The following DCLK1 variants were observed in gnomAD, a reference collection of about 807,000 sequenced individuals.
DCLK1 encodes serine/threonine-protein kinase DCLK1.
Under a neutral mutation model 86.2 loss-of-function variants are expected in DCLK1, and 16 were observed. The ratio of observed to expected loss-of-function variants is 0.19; its 90% CI spans 0.13 to 0.28. DCLK1 has a LOEUF of 0.28. Among genes scored for constraint, DCLK1 ranks in the 10% least tolerant of loss-of-function variants. The pLI, the probability that DCLK1 is intolerant of heterozygous loss-of-function variation, is 1.00. For missense variants in DCLK1, 590 were observed against 940.2 expected, an observed-to-expected ratio of 0.63 and a Z score of 4.87; for synonymous variants, 369 against 370.5, an observed-to-expected ratio of 1.00 and a Z score of 0.05.
In DCLK1 at chr13:35,907,123, GAGC is replaced by G. The variant is rs374691488; in HGVS notation, c.824-35786_824-35784del. ...TCCCAGAAGTTTCTCTAGTGCCAGTGAGCTTTCTTCCACAACAATATGTAACAT... is the reference window on the plus strand; with the variant it reads ...TCCCAGAAGTTTCTCTAGTGCCAGTGTTTCTTCCACAACAATATGTAACAT... On this transcript the variant is annotated intron_variant, in intron 4 of 16. Coordinates refer to ENST00000360631, the MANE Select transcript of DCLK1 (RefSeq NM_001330071.2). Among the ~76,000 whole-genome samples the G allele has an allele frequency of 5.1e-3, 771 of 152,254 alleles. 9 individuals carry two copies. The highest frequency in any genetic ancestry group is 0.018 in the African/African-American group (741 of 41,544).
intron 4 of DCLK1, among the ~76,000 whole-genome samples, chr13:35,890,093 TA>T (rs1366351850): frequency 6.6e-6 from 1 of 152,156 alleles, no homozygotes; most frequent in African/African-American, 2.4e-5. Flanking sequence ...TTTTTAAATG[TA>T]AAAATGTTCT....
chr13:35,902,659 G>A (rs1473476939), intron 4 of DCLK1, among the ~76,000 whole-genome samples: 1 of 152,172 alleles, frequency 6.6e-6, no homozygotes, highest in Non-Finnish European at 1.5e-5. Flanking sequence ...GCTGTAACAT[G>A]GTGAATGTGG....
At chr13:35,788,328 G>C in intron 16 of DCLK1, 1 of 1,581,864 alleles carries the variant, frequency 6.3e-7, no homozygotes, top group Non-Finnish European at 8.7e-7. Flanking sequence ...TCAGCATTGT[G>C]CTAAAGAATT....
At chr13:36,122,224 G>A (rs1886017733) in intron 2 of DCLK1, among the ~76,000 whole-genome samples, 1 of 151,954 alleles carries the variant, frequency 6.6e-6, no homozygotes. Context: ...CCTGAGAGGG[G>A]GATTATGATA....
chr13:36,060,926 T>C (rs1883519811), intron 3 of DCLK1, among the ~76,000 whole-genome samples: 2 of 152,130 alleles, frequency 1.3e-5, no homozygotes. Context: ...AAAGTGATCA[T>C]TATGTCAGAT....
At chr13:35,849,735 G>GA in intron 6 of DCLK1, 1 of 985,208 alleles carries the variant, frequency 1.0e-6, no homozygotes, top group Non-Finnish European at 1.2e-6. Context: ...ACACCAGCAA[G>GA]ATTGAGAATT....
chr13:35,950,085 G>A (rs892934667), intron 3 of DCLK1, among the ~76,000 whole-genome samples: 23 of 152,148 alleles, frequency 1.5e-4, no homozygotes, highest in African/African-American at 4.1e-4. Context: ...CTTTCTGTTC[G>A]AAATCATGTA....
At chr13:36,063,271 G>A (rs1020677337) in intron 3 of DCLK1, among the ~76,000 whole-genome samples, 4 of 152,064 alleles carry the variant, frequency 2.6e-5, no homozygotes, top group Non-Finnish European at 2.9e-5. Context: ...CCATTCTGGA[G>A]GTCCAGTTCT....
chr13:36,014,883 G>A lies in DCLK1; in HGVS notation c.724-67426C>T, dbSNP rs562214976. On this transcript the variant is annotated intron_variant, in intron 3 of 16. Transcript: ENST00000360631. ...CCCTTTCCATTAACCACAGAAGAAT[G>A]TTCCGTGCATAATTCAGTGGTGGCT... is the stretch of plus-strand genomic sequence containing the variant. Among the ~76,000 whole-genome samples the A allele has an allele frequency of 3.9e-5, 6 of 152,258 alleles. No homozygotes were observed. The South Asian group carries it at 8.3e-4, about 21-fold the overall frequency.
At chr13:35,850,561 C>T (rs10507433) in intron 6 of DCLK1, 272,837 of 1,261,564 alleles carry the variant, frequency 0.22, 30,104 homozygotes, top group East Asian at 0.32. Context: ...TTGAACATCA[C>T]GAAAACAAAA....
chr13:35,800,696 CT>C (rs1260878456), intron 15 of DCLK1, among the ~76,000 whole-genome samples: 1 of 151,744 alleles, frequency 6.6e-6, no homozygotes, highest in Non-Finnish European at 1.5e-5. Context: ...ATAAGTCTAC[CT>C]TTCCTTTTTC....
At chr13:35,972,191 C>A (rs1447317557) in intron 3 of DCLK1, among the ~76,000 whole-genome samples, 1 of 152,150 alleles carries the variant, frequency 6.6e-6, no homozygotes, top group Non-Finnish European at 1.5e-5. Flanking sequence ...CTCTGAGGTC[C>A]TTTCTGTGGC....
chr13:36,028,593 T>G (rs562985228), intron 3 of DCLK1, among the ~76,000 whole-genome samples: 151 of 152,312 alleles, frequency 9.9e-4, no homozygotes, highest in Non-Finnish European at 1.8e-3. Context: ...CAGAGGCGTT[T>G]GAACCAGAGC....
At chr13:35,902,434 T>C (rs1874422428) in intron 4 of DCLK1, among the ~76,000 whole-genome samples, 1 of 152,198 alleles carries the variant, frequency 6.6e-6, no homozygotes, top group Admixed American at 6.5e-5. Context: ...AACTTTTCTG[T>C]ATCCTGGCAG....
chr13:35,786,437 C>A (rs6563159), intron 16 of DCLK1, among the ~76,000 whole-genome samples: 34,982 of 151,882 alleles, frequency 0.23, 4,503 homozygotes, highest in East Asian at 0.38. Context: ...GATTCGATTT[C>A]TATAGAGTAC....
At chr13:36,052,346 AAAG>A (rs748771629) in intron 3 of DCLK1, among the ~76,000 whole-genome samples, 29 of 152,174 alleles carry the variant, frequency 1.9e-4, no homozygotes, top group Non-Finnish European at 3.8e-4. Flanking sequence ...ACAGAAATTC[AAAG>A]AAGAATTTGT....
intron 5 of DCLK1, among the ~76,000 whole-genome samples, chr13:35,863,297 A>G (rs1871533121): frequency 6.6e-6 from 1 of 152,190 alleles, no homozygotes; most frequent in Non-Finnish European, 1.5e-5. Context: ...GAAGGCAAGG[A>G]CTGTGGTTTA....
intron 4 of DCLK1, among the ~76,000 whole-genome samples, chr13:35,928,932 A>T (rs979556089): frequency 2.9e-4 from 44 of 152,010 alleles, no homozygotes; most frequent in Non-Finnish European, 4.3e-4. Context: ...TCACTTTTCT[A>T]TACACTTTAT....
chr13:35,822,940 G>A (rs2087431385), intron 10 of DCLK1, 65 bp from the exon 11 acceptor site: 3 of 1,575,038 alleles, frequency 1.9e-6, no homozygotes, highest in South Asian at 1.1e-5. Context: ...ACCTGCAGAG[G>A]CCATTGACAA....
Sources: gnomAD v4.1 joint callset for allele counts (sites outside exome capture counted in the v4.1 genomes callset) on GRCh38, gnomAD v4.1.1 for gene constraint, MANE v1.5 for transcripts, NCBI Gene and HGNC (gene_info 2026-07-23, HGNC 2026-07-21) for gene names.